Variants in PPP1R12B observed in about 807,000 individuals in gnomAD.
The protein encoded by PPP1R12B is myosin phosphatase target subunit 2.
Under a neutral mutation model 126.1 loss-of-function variants are expected in PPP1R12B, and 76 were observed. The ratio of observed to expected loss-of-function variants is 0.60; its 90% CI spans 0.50 to 0.73. PPP1R12B has a LOEUF of 0.73. Ranked by LOEUF, PPP1R12B falls within the 30% of genes least tolerant of loss-of-function variation. The pLI is 0.00. For missense variants in PPP1R12B, 1,052 were observed against 1,205.1 expected (o/e 0.87, Z 1.88); for synonymous variants, 356 against 434.7 (o/e 0.82, Z 2.25).
intron 18 of PPP1R12B, among the ~76,000 whole-genome samples, chr1:202,503,705 G>A (rs1680487392): frequency 6.6e-6 from 1 of 151,908 alleles, no homozygotes; most frequent in Non-Finnish European, 1.5e-5. Flanking sequence ...TATGGATGCA[G>A]TTTCCCCCTT....
At chr1:202,575,221 C>A in intron 23 of PPP1R12B, 2 of 1,480,392 alleles carry the variant, frequency 1.4e-6, no homozygotes, top group Non-Finnish European at 1.8e-6. Context: ...AAGCTCTGTG[C>A]TCATCCCCTC....
chr1:202,579,469 G>A (rs984695373), intron 23 of PPP1R12B, among the ~76,000 whole-genome samples: 20 of 152,110 alleles, frequency 1.3e-4, no homozygotes, highest in African/African-American at 4.1e-4. Flanking sequence ...ATCCTAAATC[G>A]CTCTTGCTGC....
chr1:202,555,320 T>C (rs1308604881), intron 18 of PPP1R12B, among the ~76,000 whole-genome samples: 1 of 51,452 alleles, frequency 1.9e-5, no homozygotes, highest in East Asian at 1.9e-3. Context: ...TTTTCCTGTT[T>C]TAATGAAAAA....
chr1:202,572,056 G>T (rs1001235005), intron 23 of PPP1R12B, among the ~76,000 whole-genome samples: 1 of 152,144 alleles, frequency 6.6e-6, no homozygotes, highest in Admixed American at 6.5e-5. Flanking sequence ...GGTATGACTG[G>T]CCCTAAAAGA....
intron 18 of PPP1R12B, among the ~76,000 whole-genome samples, chr1:202,546,484 C>T (rs574963106): frequency 6.6e-6 from 1 of 152,152 alleles, no homozygotes; most frequent in South Asian, 2.1e-4. Context: ...CGTGCCTATA[C>T]TCTTAGCTAC....
chr1:202,556,012 A>C (rs1420031587), intron 18 of PPP1R12B, among the ~76,000 whole-genome samples: 1 of 151,798 alleles, frequency 6.6e-6, no homozygotes, highest in Non-Finnish European at 1.5e-5. Context: ...AGTAGCTGGG[A>C]CTACAAGCAT....
At position 202,434,642 on chromosome 1, in the gene PPP1R12B, G is replaced by T. The variant is rs1488455693; in HGVS notation, c.1142-14G>T. 1 of 1,603,826 alleles carries T rather than the reference G, an allele frequency of 6.2e-7. No homozygotes were observed. The highest frequency in any genetic ancestry group is 1.8e-5 in the Admixed American group (1 of 56,636). On this transcript the variant is annotated splice_polypyrimidine_tract_variant and intron_variant, in intron 8 of 23. Transcript: ENST00000608999. ...TATACTAGTACTTGTTAATTCTCTT[G>T]TCTTAAATAACAGATAAAAAGCCAG... is the stretch of plus-strand genomic sequence containing the variant.
At chr1:202,457,482 C>T (rs1195400350) in intron 13 of PPP1R12B, among the ~76,000 whole-genome samples, 7 of 150,374 alleles carry the variant, frequency 4.7e-5, no homozygotes, top group Non-Finnish European at 7.4e-5. Context: ...GAACCTGGGA[C>T]GCAGAGGTTG....
At chr1:202,569,970 C>G (rs907695) in intron 23 of PPP1R12B, among the ~76,000 whole-genome samples, 66,029 of 151,996 alleles carry the variant, frequency 0.43, 15,694 homozygotes, top group East Asian at 0.71. Context: ...GTGAAAGGGG[C>G]AAGATGGATA....
rs1318678762 is a variant in PPP1R12B, at chr1:202,590,238, A to C, written c.*9678A>C. 1 of 151,988 alleles carries C rather than the reference A, an allele frequency of 6.6e-6. No individual in the cohort carries two copies. The highest frequency in any genetic ancestry group is 1.5e-5 in the Non-Finnish European group (1 of 67,986). The allele number at this position is 151,988 out of a possible 1,614,324, so 9.4% of individuals were successfully genotyped here. A position where few individuals can be genotyped will look rare whatever the true frequency, so the allele number is the denominator to read the frequency against. On this transcript the variant is annotated 3_prime_UTR_variant, in exon 24 of 24. Coordinates refer to ENST00000608999, the MANE Select transcript of PPP1R12B (RefSeq NM_002481.4). ...GTGGCTGTTCCCTAAGCCCAGCTCT[A>C]CTGGAAGGGAATTCAAGAATATAGT...
intron 1 of PPP1R12B, among the ~76,000 whole-genome samples, chr1:202,386,852 C>T (rs577557341): frequency 3.3e-5 from 5 of 151,366 alleles, no homozygotes. Flanking sequence ...GGTATATTTT[C>T]GCCTAAGGAC....
intron 8 of PPP1R12B, among the ~76,000 whole-genome samples, chr1:202,432,377 T>C (rs774657053): frequency 1.6e-4 from 25 of 152,026 alleles, no homozygotes; most frequent in Non-Finnish European, 2.9e-4. Flanking sequence ...CAAGTGATTC[T>C]CATGCCTCAG....
chr1:202,569,662 C>A (rs1688406603), intron 23 of PPP1R12B, among the ~76,000 whole-genome samples: 1 of 152,028 alleles, frequency 6.6e-6, no homozygotes. Context: ...TTGAATCATT[C>A]TGCAGCAAAA....
chr1:202,417,720 A>G (rs1256319342), intron 2 of PPP1R12B, among the ~76,000 whole-genome samples: 3 of 152,208 alleles, frequency 2.0e-5, no homozygotes, highest in Admixed American at 6.5e-5. Flanking sequence ...ATGATATTCT[A>G]TGCTCCTTTG....
rs375519870 is a variant in PPP1R12B at position 202,428,943 on chromosome 1, T to C, written c.921+14T>C. 3.1e-6 allele frequency: 5 copies of C among 1,590,696 alleles called. No individual in the cohort carries two copies. The African/African-American group carries it at 5.4e-5, about 17-fold the overall frequency. On this transcript the variant is annotated intron_variant, in intron 6 of 23. Transcript: ENST00000608999. ...AAGCAGAATGTGGTGAGTTTCTGAT[T>C]GGTGCTTTCAAAAGTTTTCTAATAG...
At chr1:202,526,188 G>A (rs1683329309) in intron 18 of PPP1R12B, among the ~76,000 whole-genome samples, 1 of 152,222 alleles carries the variant, frequency 6.6e-6, no homozygotes, top group African/African-American at 2.4e-5. Flanking sequence ...ATGGTAACAA[G>A]TGAGGAGATG....
intron 23 of PPP1R12B, among the ~76,000 whole-genome samples, chr1:202,577,579 T>C (rs1429081571): frequency 6.6e-6 from 1 of 152,174 alleles, no homozygotes; most frequent in Non-Finnish European, 1.5e-5. Flanking sequence ...CTTTTTTTTT[T>C]TTTAATAGTT....
rs1399838908 is a variant in PPP1R12B at position 202,427,188 on chromosome 1, A to G, written c.846+4A>G. 4.3e-6 allele frequency: 7 copies of G among 1,613,772 alleles called. No homozygotes were observed. In the Admixed American group the frequency reaches 1.2e-4, roughly 27 times the overall value. ...CATGGATATTCGAAATAAACTGGTT[A>G]GTGAGCCTGAACCTCTAAAAGAACA... On this transcript the variant is annotated splice_donor_region_variant and intron_variant, in intron 5 of 23. Coordinates refer to ENST00000608999, the MANE Select transcript of PPP1R12B (RefSeq NM_002481.4).
chr1:202,486,536 T>A (rs776948599), intron 13 of PPP1R12B, among the ~76,000 whole-genome samples: 1 of 152,186 alleles, frequency 6.6e-6, no homozygotes, highest in African/African-American at 2.4e-5. Flanking sequence ...CTGGGCACAG[T>A]GGCTCACGCC....
Sources: gnomAD v4.1 joint callset for allele counts (sites outside exome capture counted in the v4.1 genomes callset) on GRCh38, gnomAD v4.1.1 for gene constraint, MANE v1.5 for transcripts, NCBI Gene and HGNC (gene_info 2026-07-23, HGNC 2026-07-21) for gene names.